Variants in WWOX observed in about 807,000 individuals in gnomAD.
WWOX encodes WW domain containing oxidoreductase.
A neutral mutation model predicts 46.2 loss-of-function variants in WWOX; 69 were observed. The observed-to-expected ratio is 1.49, with a 90% confidence interval of 1.23 to 1.82. The LOEUF (loss-of-function observed/expected upper bound fraction) is 1.82, where lower values mean the gene tolerates loss of function less well. Ranked by LOEUF, WWOX falls within the 40% of genes most tolerant of loss-of-function variation. The pLI is 0.00. For missense variants in WWOX, 919 were observed against 542.6 expected (o/e 1.69, Z -6.89); for synonymous variants, 359 against 202.6 (o/e 1.77, Z -6.56).
intron 8 of WWOX, among the ~76,000 whole-genome samples, chr16:78,885,828 A>G (rs965781236): frequency 6.6e-6 from 1 of 152,116 alleles, no homozygotes; most frequent in Non-Finnish European, 1.5e-5. Flanking sequence ...ATTAAAGAAC[A>G]GCTGGCTTAC....
chr16:78,624,870 T>C (rs1253124606), intron 8 of WWOX, among the ~76,000 whole-genome samples: 2 of 152,232 alleles, frequency 1.3e-5, no homozygotes, highest in Non-Finnish European at 2.9e-5. Context: ...TGATTTTGAA[T>C]GCTGGCATGG....
chr16:78,723,787 CTTCTTGTTCTCGT>C (rs2048757746), intron 8 of WWOX, among the ~76,000 whole-genome samples: 1 of 152,014 alleles, frequency 6.6e-6, no homozygotes, highest in African/African-American at 2.4e-5. Context: ...ATGGAACTTG[CTTCTTGTTCTCGT>C]ATCACTCAGA....
rs143512463 is a variant in WWOX at position 78,745,009 on chromosome 16, A to G, written c.1056+312257A>G. On this transcript the variant is annotated intron_variant, in intron 8 of 8. Coordinates refer to ENST00000566780, the MANE Select transcript of WWOX (RefSeq NM_016373.4). ...CTGGCTTCCCCAGTCCCTGCTTCCC[A>G]GCACATACCATTTATTCAGTGTTGG... Among the ~76,000 whole-genome samples, 278 of 152,270 alleles carry G rather than the reference A, an allele frequency of 1.8e-3. 1 individual carries two copies. Among genetic ancestry groups the G allele is most frequent in the African/African-American group, 6.1e-3 (255 of 41,562 alleles).
chr16:78,971,495 C>T (rs1223861705), intron 8 of WWOX, among the ~76,000 whole-genome samples: 4 of 142,786 alleles, frequency 2.8e-5, no homozygotes, highest in Non-Finnish European at 6.1e-5. Flanking sequence ...GGCTGTTTAA[C>T]AGGTGTCGTA....
intron 8 of WWOX, among the ~76,000 whole-genome samples, chr16:78,631,246 T>G (rs919407352): frequency 2.0e-5 from 3 of 152,132 alleles, no homozygotes; most frequent in Non-Finnish European, 4.4e-5. Context: ...AGGTCAGTCG[T>G]GACATCTCAT....
At chr16:78,905,589 C>G (rs981965716) in intron 8 of WWOX, among the ~76,000 whole-genome samples, 1 of 151,982 alleles carries the variant, frequency 6.6e-6, no homozygotes, top group Admixed American at 6.6e-5. Flanking sequence ...CCATATTGAC[C>G]AGGCCGGACT....
intron 8 of WWOX, among the ~76,000 whole-genome samples, chr16:78,588,929 C>A (rs1475652378): frequency 6.6e-6 from 1 of 152,100 alleles, no homozygotes; most frequent in Non-Finnish European, 1.5e-5. Context: ...AGTGGCAGTT[C>A]CCTCCTTTGT....
intron 5 of WWOX, among the ~76,000 whole-genome samples, chr16:78,191,150 C>T (rs2035870952): frequency 6.6e-6 from 1 of 152,174 alleles, no homozygotes; most frequent in Admixed American, 6.5e-5. Flanking sequence ...GACCGCTAGA[C>T]CACAGAGCCC....
At chr16:78,681,982 C>G (rs918663769) in intron 8 of WWOX, among the ~76,000 whole-genome samples, 22 of 152,144 alleles carry the variant, frequency 1.4e-4, no homozygotes, top group Non-Finnish European at 1.6e-4. Flanking sequence ...GCTTACAGCT[C>G]TCAGACCACA....
chr16:78,254,530 G>A, intron 5 of WWOX, among the ~76,000 whole-genome samples: 1 of 43,486 alleles, frequency 2.3e-5, no homozygotes, highest in African/African-American at 2.0e-4. Flanking sequence ...GTTTGACACA[G>A]GGCCTCACTC....
chr16:78,144,656 G>A (rs1212032207), intron 4 of WWOX, among the ~76,000 whole-genome samples: 2 of 149,416 alleles, frequency 1.3e-5, no homozygotes, highest in African/African-American at 4.9e-5. Context: ...CAATAGCTGG[G>A]ATTACAGGTG....
intron 8 of WWOX, among the ~76,000 whole-genome samples, chr16:79,000,416 T>C (rs1253157435): frequency 6.6e-6 from 1 of 152,266 alleles, no homozygotes; most frequent in Non-Finnish European, 1.5e-5. Context: ...CATCTTCAGA[T>C]TGAAAGATCA....
At chr16:78,182,012 C>T (rs12599158) in intron 5 of WWOX, among the ~76,000 whole-genome samples, 14,974 of 152,170 alleles carry the variant, frequency 0.098, 770 homozygotes, top group Non-Finnish European at 0.1. Flanking sequence ...AACTTGCTAA[C>T]GTCATCAGTC....
chr16:78,712,829 T>C (rs1465279125), intron 8 of WWOX, among the ~76,000 whole-genome samples: 3 of 152,148 alleles, frequency 2.0e-5, no homozygotes, highest in Non-Finnish European at 4.4e-5. Context: ...TAATTCAAGA[T>C]TGGAAAATGT....
At chr16:78,797,489 C>G (rs559348645) in intron 8 of WWOX, among the ~76,000 whole-genome samples, 1 of 152,030 alleles carries the variant, frequency 6.6e-6, no homozygotes, top group African/African-American at 2.4e-5. Context: ...GAGATGTTCT[C>G]GAGGCAGCCT....
Position 78,857,684 on chromosome 16 carries a change from G to T in WWOX, c.1057-353924G>T, listed in dbSNP as rs549513724. On this transcript the variant is annotated intron_variant, in intron 8 of 8. Coordinates refer to ENST00000566780, the MANE Select transcript of WWOX (RefSeq NM_016373.4). ...ATGCCTCCACCAAGGCTGAATCTTT[G>T]AATTGATCACTAGAGGCCTTTTCCC... 2.3e-3 allele frequency among the ~76,000 whole-genome samples: 351 copies of T among 152,190 alleles called. 3 individuals are homozygous for T. Among genetic ancestry groups the T allele is most frequent in the African/African-American group, 8.2e-3 (339 of 41,522 alleles).
In WWOX at chr16:78,144,753, T is replaced by C. The variant is rs563955575; in HGVS notation, c.410-19430T>C. Among the ~76,000 whole-genome samples the C allele has an allele frequency of 7.0e-4, 106 of 151,556 alleles. No individual in the cohort carries two copies. In the East Asian group the frequency reaches 0.013, roughly 19 times the overall value. On this transcript the variant is annotated intron_variant, in intron 4 of 8. Transcript: ENST00000566780. ...CCAGGCCAGTCTCAAACTCCTGACC[T>C]CAAGAAATCCGCCCACCTTGGCCTA...
intron 8 of WWOX, among the ~76,000 whole-genome samples, chr16:78,531,471 C>G (rs565565781): frequency 5.1e-4 from 77 of 152,084 alleles, no homozygotes; most frequent in East Asian, 3.5e-3. Context: ...TATGTCATAC[C>G]AAAAATTATC....
At position 78,888,967 on chromosome 16, in the gene WWOX, G is replaced by C. The variant is rs142552083; in HGVS notation, c.1057-322641G>C. On this transcript the variant is annotated intron_variant, in intron 8 of 8. Transcript: ENST00000566780. ...CCATAATCTCCCCCTGATGCCCTTA[G>C]AAAGCTTCCCTGGTCAGTCCTCCTC... Among the ~76,000 whole-genome samples, 1,266 of 151,916 alleles carry C rather than the reference G, an allele frequency of 8.3e-3. 19 individuals are homozygous for C. Among genetic ancestry groups the C allele is most frequent in the African/African-American group, 0.029 (1,216 of 41,406 alleles).
Sources: allele counts gnomAD v4.1 joint callset (sites outside exome capture counted in the v4.1 genomes callset), GRCh38; gene constraint gnomAD v4.1.1; transcripts MANE v1.5; gene names NCBI Gene and HGNC (gene_info 2026-07-23, HGNC 2026-07-21).